ODF2: variants seen among roughly 807,000 people sequenced by gnomAD.
The protein encoded by ODF2 is outer dense fiber of sperm tails 2, also known as outer dense fiber protein 2.
In ODF2, 47 loss-of-function variants were observed where a neutral mutation model predicts 110.2. That is an observed-to-expected ratio of 0.43 (90% CI 0.34 to 0.54). The LOEUF (loss-of-function observed/expected upper bound fraction) is 0.54. Among genes scored for constraint, ODF2 ranks in the 20% least tolerant of loss-of-function variants. ODF2 has a pLI of 0.03. For missense variants in ODF2, 812 were observed against 1,054.5 expected (o/e 0.77, Z 3.19); for synonymous variants, 352 against 397.7 (o/e 0.89, Z 1.37).
chr9:128,455,315 GCC>G, upstream of ODF2: 1 of 1,222,066 alleles, frequency 8.2e-7, no homozygotes, highest in Non-Finnish European at 1.1e-6. Flanking sequence ...ACTTTGGAAG[GCC>G]GAGGCGGGTG....
chr9:128,463,284 A>G (rs1836973736), intron 4 of ODF2, among the ~76,000 whole-genome samples: 1 of 152,028 alleles, frequency 6.6e-6, no homozygotes, highest in African/African-American at 2.4e-5. Context: ...AAAGAGAAAT[A>G]TGATACATCC....
intron 14 of ODF2, among the ~76,000 whole-genome samples, chr9:128,490,150 C>G (rs1359355309): frequency 1.3e-5 from 2 of 152,152 alleles, no homozygotes; most frequent in Non-Finnish European, 2.9e-5. Flanking sequence ...GCAACCCCAG[C>G]AAGACCCCAT....
upstream of ODF2, chr9:128,455,229 G>A: frequency 2.0e-6 from 3 of 1,535,410 alleles, no homozygotes; most frequent in Non-Finnish European, 2.6e-6. Flanking sequence ...ATCAGAATAG[G>A]TCTGTACACA....
exon 10 of ODF2, chr9:128,482,836 A>G (rs1175857213): frequency 5.6e-6 from 9 of 1,613,466 alleles, no homozygotes; most frequent in Middle Eastern, 1.7e-4. Flanking sequence ...TACTGCTGCA[A>G]GACAAGGACA....
At chr9:128,466,009 C>T (rs1411480866) in intron 4 of ODF2, among the ~76,000 whole-genome samples, 5 of 151,696 alleles carry the variant, frequency 3.3e-5, no homozygotes, top group East Asian at 2.0e-4. Context: ...GCGTGGTGGT[C>T]GCGCCACCAA....
At chr9:128,496,255 G>A (rs1845542516) in intron 18 of ODF2, 114 bp downstream of exon 18, 1 of 1,544,286 alleles carries the variant, frequency 6.5e-7, no homozygotes, top group African/African-American at 1.4e-5. Context: ...GCCCTGGAAG[G>A]TACTAGGCAG....
At position 128,466,090 on chromosome 9, in the gene ODF2, G is replaced by C. The variant is rs61564752; in HGVS notation, c.250-3093G>C. Among the ~76,000 whole-genome samples the C allele has an allele frequency of 1.7e-3, 253 of 151,776 alleles. 1 individual carries two copies. The highest frequency in any genetic ancestry group is 5.9e-3 in the African/African-American group (244 of 41,396). ...TGAGGCGGAGGTTGCAGGGAGCCAA[G>C]ATCGCGCCCCTGCACTGCAGCCTGG... is the stretch of plus-strand genomic sequence containing the variant. On this transcript the variant is annotated intron_variant, in intron 4 of 20. Coordinates refer to ENST00000604420, the Ensembl canonical transcript of ODF2.
intron 6 of ODF2, among the ~76,000 whole-genome samples, chr9:128,471,796 C>T (rs1462752509): frequency 6.6e-6 from 1 of 152,042 alleles, no homozygotes; most frequent in Non-Finnish European, 1.5e-5. Context: ...GCACGCTACT[C>T]AGTGGGAACA....
chr9:128,465,380 T>C (rs1247354020), intron 4 of ODF2, among the ~76,000 whole-genome samples: 1 of 152,328 alleles, frequency 6.6e-6, no homozygotes, highest in East Asian at 1.9e-4. Flanking sequence ...GTTTGATATC[T>C]TACAACTCCT....
intron 1 of ODF2, 84 bp downstream of exon 1, chr9:128,456,339 G>T: frequency 1.4e-6 from 2 of 1,444,260 alleles, no homozygotes; most frequent in Non-Finnish European, 1.8e-6. Flanking sequence ...CGGCGCGGTC[G>T]ACCCCGCGGG....
chr9:128,485,013 T>G lies in ODF2; in HGVS notation c.1290+127T>G. On this transcript the variant is annotated intron_variant, in intron 12 of 20. Coordinates refer to ENST00000604420, the Ensembl canonical transcript of ODF2. The surrounding 1 kb of genome is among the most constrained non-coding windows in gnomAD (Gnocchi z 5.0). ...TGAGGGATGGTAGTGGTGGAAAGGA[T>G]AGATGGCTGGGGAGGAGGGAGAGGG... 9.7e-7 allele frequency: 1 copy of G among 1,027,166 alleles called. No individual in the cohort carries two copies. Among genetic ancestry groups the G allele is most frequent in the Non-Finnish European group, 1.5e-6 (1 of 685,802 alleles). 63.6% of individuals were successfully genotyped at this position (1,027,166 alleles called of 1,614,324 possible).
At chr9:128,478,003 AT>A (rs1841673789) in intron 8 of ODF2, among the ~76,000 whole-genome samples, 1 of 150,998 alleles carries the variant, frequency 6.6e-6, no homozygotes, top group South Asian at 2.1e-4. Flanking sequence ...AGCTTTATTA[AT>A]TTTTTTGTTT....
At chr9:128,484,126 A>G (rs1482905090) in intron 11 of ODF2, 72 bp downstream of exon 11, 3 of 1,088,514 alleles carry the variant, frequency 2.8e-6, no homozygotes, top group East Asian at 4.7e-5. Flanking sequence ...GGCCTGGCCC[A>G]GATATCACAC....
intron 1 of ODF2, chr9:128,457,193 G>T: frequency 2.7e-5 from 39 of 1,442,284 alleles, no homozygotes; most frequent in East Asian, 1.2e-4. Context: ...CCCCTACTTT[G>T]GCAGGACAGT....
intron 1 of ODF2, chr9:128,456,464 G>A (rs2131379788): frequency 6.6e-7 from 1 of 1,517,340 alleles, no homozygotes; most frequent in Non-Finnish European, 8.8e-7. Flanking sequence ...ACGGGCGGTC[G>A]GCCGCCTCCT....
intron 17 of ODF2, among the ~76,000 whole-genome samples, chr9:128,495,440 T>G (rs373206679): frequency 2.0e-4 from 30 of 152,358 alleles, no homozygotes; most frequent in African/African-American, 7.0e-4. Context: ...CCCAGCCAGC[T>G]CTGTCTGGTT....
intron 4 of ODF2, among the ~76,000 whole-genome samples, chr9:128,465,326 A>G (rs1286439290): frequency 1.3e-5 from 2 of 152,200 alleles, no homozygotes; most frequent in African/African-American, 4.8e-5. Flanking sequence ...TGAGGAAGAT[A>G]TGGAAATGAA....
At chr9:128,466,466 CAA>C (rs11326501) in intron 4 of ODF2, among the ~76,000 whole-genome samples, 248 of 138,148 alleles carry the variant, frequency 1.8e-3, no homozygotes, top group Non-Finnish European at 1.6e-3. Flanking sequence ...GACCCCATCT[CAA>C]AAAAAAAAAA....
intron 8 of ODF2, among the ~76,000 whole-genome samples, chr9:128,477,548 A>C (rs992722408): frequency 8.6e-5 from 13 of 151,966 alleles, no homozygotes; most frequent in South Asian, 4.1e-4. Flanking sequence ...CTGTCCCCCC[A>C]AAAAATTATA....
Sources: gnomAD v4.1 joint callset for allele counts (sites outside exome capture counted in the v4.1 genomes callset) on GRCh38, gnomAD v4.1.1 for gene constraint, Gnocchi (gnomAD v3.1) non-coding constraint, MANE v1.5 for transcripts, NCBI Gene and HGNC (gene_info 2026-07-23, HGNC 2026-07-21) for gene names.